Variants in MARCHF1 observed in about 807,000 individuals in gnomAD.
MARCHF1 encodes membrane associated ring-CH-type finger 1.
MARCHF1 carries 40 observed loss-of-function variants against 54.2 expected under a neutral mutation model. That is an observed-to-expected ratio of 0.74 (90% CI 0.57 to 0.96). The LOEUF is 0.96. MARCHF1 is among the 40% of genes least tolerant of loss of function. MARCHF1 has a pLI of 0.00. For synonymous variants in MARCHF1, 236 were observed against 236.3 expected (o/e 1.00, Z 0.01); for missense variants, 586 against 656.5 (o/e 0.89, Z 1.17).
chr4:163,555,849 CT>C (rs1032500310), intron 8 of MARCHF1: 2 of 435,880 alleles, frequency 4.6e-6, no homozygotes, highest in African/African-American at 4.0e-5. Flanking sequence ...CGCCTCTTAC[CT>C]CTTCAGTGAA....
At chr4:163,990,348 C>G (rs4691945) in intron 2 of MARCHF1, among the ~76,000 whole-genome samples, 148,238 of 152,210 alleles carry the variant, frequency 0.97, 72,308 homozygotes, top group East Asian at 1. Flanking sequence ...CAGTTCTGAA[C>G]TGGACAGTTA....
chr4:163,889,861 A>G (rs1435656563), intron 3 of MARCHF1, among the ~76,000 whole-genome samples: 1 of 151,698 alleles, frequency 6.6e-6, no homozygotes, highest in East Asian at 1.9e-4. Flanking sequence ...GATTAAAAAA[A>G]AAAAATCTCA....
At chr4:164,340,823 A>T (rs1019405709) in intron 1 of MARCHF1, among the ~76,000 whole-genome samples, 4 of 151,684 alleles carry the variant, frequency 2.6e-5, no homozygotes, top group Non-Finnish European at 5.9e-5. Context: ...TTCCCAAAGT[A>T]CTACGATTAC....
chr4:163,695,418 C>G (rs1744590012), intron 5 of MARCHF1, among the ~76,000 whole-genome samples: 2 of 152,158 alleles, frequency 1.3e-5, no homozygotes, highest in African/African-American at 4.8e-5. Context: ...ATTGTACTGA[C>G]TATCCCATGC....
chr4:163,633,790 A>G (rs1337656330), intron 5 of MARCHF1, among the ~76,000 whole-genome samples: 2 of 152,084 alleles, frequency 1.3e-5, no homozygotes, highest in Admixed American at 1.3e-4. Flanking sequence ...AAGACACATA[A>G]TTGTCAGATT....
chr4:163,553,329 A>G (rs1739177207), intron 8 of MARCHF1, among the ~76,000 whole-genome samples: 1 of 152,214 alleles, frequency 6.6e-6, no homozygotes, highest in Non-Finnish European at 1.5e-5. Flanking sequence ...TACTGTCTAG[A>G]TTAATGCGTC....
intron 3 of MARCHF1, among the ~76,000 whole-genome samples, chr4:163,931,881 C>T (rs186506541): frequency 1.9e-4 from 29 of 152,240 alleles, no homozygotes; most frequent in Admixed American, 1.3e-3. Flanking sequence ...ATGGTATCAG[C>T]GAATTCCTTG....
chr4:163,822,074 T>C (rs1748708354), intron 4 of MARCHF1, among the ~76,000 whole-genome samples: 1 of 151,978 alleles, frequency 6.6e-6, no homozygotes, highest in South Asian at 2.1e-4. Context: ...AATTACTTTT[T>C]ATTTATCCTG....
At chr4:164,012,115 C>T (rs1753434225) in intron 2 of MARCHF1, among the ~76,000 whole-genome samples, 1 of 152,106 alleles carries the variant, frequency 6.6e-6, no homozygotes, top group Non-Finnish European at 1.5e-5. Flanking sequence ...TGGCCTGGGT[C>T]CCAGAATAAA....
At chr4:164,268,960 T>G (rs1733677302) in intron 1 of MARCHF1, among the ~76,000 whole-genome samples, 1 of 152,174 alleles carries the variant, frequency 6.6e-6, no homozygotes, top group South Asian at 2.1e-4. Context: ...AAGCTTGAGA[T>G]GTCTATTATA....
At chr4:164,205,162 A>C (rs1731570831) in intron 1 of MARCHF1, among the ~76,000 whole-genome samples, 1 of 152,184 alleles carries the variant, frequency 6.6e-6, no homozygotes, top group South Asian at 2.1e-4. Context: ...CTGATACCTA[A>C]GAATTCATTT....
intron 2 of MARCHF1, among the ~76,000 whole-genome samples, chr4:164,030,598 T>G (rs886498930): frequency 6.6e-6 from 1 of 152,196 alleles, no homozygotes; most frequent in Non-Finnish European, 1.5e-5. Flanking sequence ...TAAAACAACT[T>G]TGTGCTATGT....
Position 163,886,470 on chromosome 4 carries a change from A to T in MARCHF1, c.-38-32301T>A, listed in dbSNP as rs142907418. ...TCAACCAAAAAATTGTGTAACTAGC[A>T]TGAGGCAGCTTGTAAAAAAAATACT... On this transcript the variant is annotated intron_variant, in intron 3 of 9. Transcript: ENST00000514618. Among the ~76,000 whole-genome samples, 144 of 152,188 alleles carry T rather than the reference A, an allele frequency of 9.5e-4. 2 individuals are homozygous for T. Among genetic ancestry groups the T allele is most frequent in the African/African-American group, 3.3e-3 (138 of 41,516 alleles).
chr4:164,224,530 C>A lies in MARCHF1; in HGVS notation c.-322-112868G>T, dbSNP rs544596756. Among the ~76,000 whole-genome samples, 6 of 152,034 alleles carry A rather than the reference C, an allele frequency of 3.9e-5. No homozygotes were observed. In the South Asian group the frequency reaches 1.2e-3, roughly 32 times the overall value. ...TCGCTAGCATGAAAAATGTTCACAA[C>A]CTCTGATCTAGTAGTCTATGTCCTA... On this transcript the variant is annotated intron_variant, in intron 1 of 9. Coordinates refer to ENST00000514618, the MANE Select transcript of MARCHF1 (RefSeq NM_001394959.1).
At chr4:164,287,886 A>T (rs1734191025) in intron 1 of MARCHF1, among the ~76,000 whole-genome samples, 2 of 152,216 alleles carry the variant, frequency 1.3e-5, no homozygotes, top group South Asian at 4.1e-4. Flanking sequence ...AATGTCTTAG[A>T]TATTCATTTA....
At chr4:164,334,197 T>C (rs926069474) in intron 1 of MARCHF1, among the ~76,000 whole-genome samples, 4 of 152,168 alleles carry the variant, frequency 2.6e-5, no homozygotes, top group African/African-American at 9.7e-5. Flanking sequence ...GTAGCTGCAC[T>C]AAACAACAGA....
At chr4:163,819,788 C>G (rs1748641740) in intron 4 of MARCHF1, among the ~76,000 whole-genome samples, 1 of 152,086 alleles carries the variant, frequency 6.6e-6, no homozygotes, top group African/African-American at 2.4e-5. Context: ...TCTGTCATCT[C>G]TTCTACTACA....
At chr4:163,803,420 ACCGGGGCCTCCCAAAGT>A (rs1748137786) in intron 4 of MARCHF1, among the ~76,000 whole-genome samples, 1 of 149,226 alleles carries the variant, frequency 6.7e-6, no homozygotes, top group East Asian at 1.9e-4. Flanking sequence ...TGATCCGCCC[ACCGGGGCCTCCCAAAGT>A]CCTGAGATTA....
At chr4:164,154,494 T>C (rs1434727407) in intron 1 of MARCHF1, among the ~76,000 whole-genome samples, 1 of 152,196 alleles carries the variant, frequency 6.6e-6, no homozygotes, top group Non-Finnish European at 1.5e-5. Flanking sequence ...GCTGTACTCA[T>C]TGTGAAACAG....
Sources: allele counts gnomAD v4.1 joint callset (sites outside exome capture counted in the v4.1 genomes callset), GRCh38; gene constraint gnomAD v4.1.1; transcripts MANE v1.5; gene names NCBI Gene and HGNC (gene_info 2026-07-23, HGNC 2026-07-21).